Variants in DHRS2 observed in about 807,000 individuals in gnomAD.
The protein encoded by DHRS2 is dehydrogenase/reductase 2.
A neutral mutation model predicts 26.3 loss-of-function variants in DHRS2; 29 were observed. That is an observed-to-expected ratio of 1.10 (90% CI 0.82 to 1.50). The LOEUF (loss-of-function observed/expected upper bound fraction) is 1.50. Among genes scored for constraint, DHRS2 ranks in the 40% most tolerant of loss-of-function variants. The pLI, the probability that DHRS2 is intolerant of heterozygous loss-of-function variation, is 0.00. For missense variants in DHRS2, 439 were observed against 367.1 expected (o/e 1.20, Z -1.60); for synonymous variants, 164 against 151.3 (o/e 1.08, Z -0.62).
At chr14:23,639,583 T>A (rs959211698) in intron 3 of DHRS2, among the ~76,000 whole-genome samples, 1 of 150,870 alleles carries the variant, frequency 6.6e-6, no homozygotes, top group Non-Finnish European at 1.5e-5. Context: ...GGAGGAGGAG[T>A]CTGAAGGGGT....
chr14:23,633,035 G>A (rs1267741184), upstream of DHRS2, among the ~76,000 whole-genome samples: 7 of 152,220 alleles, frequency 4.6e-5, no homozygotes, highest in African/African-American at 1.7e-4. Context: ...CCCACATAGG[G>A]GAAGGCAGGA....
intron 5 of DHRS2, 46 bp downstream of exon 5, chr14:23,643,265 G>A: frequency 6.3e-7 from 1 of 1,577,226 alleles, no homozygotes. Context: ...GGGGACCTGA[G>A]GTGGGCACAG....
rs547853982 is a variant in DHRS2, at chr14:23,640,567, GT to G, written c.420+674del. On this transcript the variant is annotated intron_variant, in intron 4 of 8. Coordinates refer to ENST00000250383, the MANE Select transcript of DHRS2 (RefSeq NM_005794.4). Reference sequence around the variant, plus strand: ...CCTTCACTCTCATGTTTTGTTTTCTGTTCTCTCTGCCAGAATGCGTCGTGAT... The same window carrying G: ...CCTTCACTCTCATGTTTTGTTTTCTGTCTCTCTGCCAGAATGCGTCGTGAT... 5.5e-3 allele frequency: 2,223 copies of G among 404,480 alleles called. 10 individuals are homozygous for G. The highest frequency in any genetic ancestry group is 9.2e-3 in the Admixed American group (143 of 15,580). The allele number at this position is 404,480 out of a possible 1,614,324, so 25.1% of individuals were successfully genotyped here.
upstream of DHRS2, among the ~76,000 whole-genome samples, chr14:23,631,548 AC>A (rs199914931): frequency 9.5e-5 from 14 of 147,136 alleles, no homozygotes; most frequent in African/African-American, 1.5e-4. Context: ...TTCTTCCTCT[AC>A]CCCCCCCACC....
intron 1 of DHRS2, among the ~76,000 whole-genome samples, chr14:23,637,127 T>C (rs1395797470): frequency 4.6e-5 from 7 of 151,268 alleles, no homozygotes; most frequent in Non-Finnish European, 1.5e-5. Flanking sequence ...CTCACCTATC[T>C]ATCCTATCTA....
rs766960292 is a variant in DHRS2 at position 23,645,318 on chromosome 14, A to G, written c.*65A>G. ...AGGAGCCTGAGGGGGTGTCTAGGTGATCATTTGGATCTGGAGGCAGAGTCT... is the reference window on the plus strand; with the variant it reads ...AGGAGCCTGAGGGGGTGTCTAGGTGGTCATTTGGATCTGGAGGCAGAGTCT... On this transcript the variant is annotated 3_prime_UTR_variant, in exon 9 of 9. Transcript: ENST00000250383. 6.2e-7 allele frequency: 1 copy of G among 1,609,494 alleles called. No individual in the cohort carries two copies. The highest frequency in any genetic ancestry group is 1.1e-5 in the South Asian group (1 of 91,024).
chr14:23,644,331 T>G, intron 6 of DHRS2, 78 bp from the exon 7 acceptor site: 1 of 1,595,638 alleles, frequency 6.3e-7, no homozygotes, highest in South Asian at 1.1e-5. Flanking sequence ...GCCTGTGAGA[T>G]CCCTGTAGGT....
chr14:23,645,385 A>G lies in DHRS2; in HGVS notation c.*132A>G. The stretch of plus-strand genomic sequence containing the variant: ...AGCAATTTGGGGGCTTACTCATGCT[A>G]GGCTTGAGGAAGAAGAAAAACGCTT... On this transcript the variant is annotated 3_prime_UTR_variant, in exon 9 of 9. Coordinates refer to ENST00000250383, the MANE Select transcript of DHRS2 (RefSeq NM_005794.4). 6.5e-7 allele frequency: 1 copy of G among 1,550,120 alleles called. No homozygotes were observed. The highest frequency in any genetic ancestry group is 2.3e-5 in the East Asian group (1 of 44,312).
intron 5 of DHRS2, chr14:23,643,748 TCC>T (rs1890760992): frequency 3.2e-6 from 1 of 312,348 alleles, no homozygotes; most frequent in Non-Finnish European, 6.1e-6. Context: ...ACTTCTGGTC[TCC>T]CTTACCCCAT....
At chr14:23,641,796 C>T (rs760785517) in intron 4 of DHRS2, 48 of 1,284,174 alleles carry the variant, frequency 3.7e-5, no homozygotes, top group Non-Finnish European at 4.6e-5. Context: ...CTCCTTCCCA[C>T]ATCCAAGGGA....
At chr14:23,634,059 C>CTTTTTTTTT (rs58045171), upstream of DHRS2, among the ~76,000 whole-genome samples, 3 of 82,448 alleles carry the variant, frequency 3.6e-5, no homozygotes, top group African/African-American at 4.8e-5. Flanking sequence ...TTTGCCCCTT[C>CTTTTTTTTT]TTTTTTTTTT....
chr14:23,638,965 T>C lies in DHRS2; in HGVS notation c.101T>C (p.Leu34Pro), dbSNP rs771739122. The change falls in exon 2 of 9, where the codon CTG (leucine) becomes CCG (proline). Residue 34 changes from leucine (L) to proline (P), a missense_variant. Transcript: ENST00000250383. ...ACCGGGATAGACAGGAAGGGCGTCCTGGCTAACCGGGTAGCCGTGGTCACG... is the reference window on the plus strand; with the variant it reads ...ACCGGGATAGACAGGAAGGGCGTCCCGGCTAACCGGGTAGCCGTGGTCACG... Reference protein sequence around the residue: ...SSTGIDRKGVLANRVAVVTGS... With the variant: ...SSTGIDRKGVPANRVAVVTGS... 6 of 1,613,858 alleles carry C rather than the reference T, an allele frequency of 3.7e-6. No homozygotes were observed. The African/African-American group carries it at 8.0e-5, about 22-fold the overall frequency.
intron 8 of DHRS2, 60 bp from the exon 9 acceptor site, chr14:23,645,082 G>A: frequency 6.2e-7 from 1 of 1,608,166 alleles, no homozygotes; most frequent in Non-Finnish European, 8.5e-7. Flanking sequence ...TCATCCGTGA[G>A]CCCCAGAGCA....
rs202159329 is a variant in DHRS2, at chr14:23,645,211, C to T, written c.801C>T (p.Asn267=). The T allele has an allele frequency of 1.7e-4, 267 of 1,614,004 alleles. 1 individual carries two copies. The highest frequency in any genetic ancestry group is 1.9e-4 in the South Asian group (17 of 91,090). The stretch of plus-strand genomic sequence containing the variant: ...GCTCTCCAGATGCCAGCTACGTCAA[C>T]GGGGAGAACATTGCGGTGGCAGGCT... ...FLCSPDASYV[N]GENIAVAGYS... Residue 267 remains asparagine, a synonymous_variant, in exon 9 of 9, where the codon AAC becomes AAT. Transcript: ENST00000250383.
rs759045112 is a variant in DHRS2 at position 23,638,854 on chromosome 14, C to T, written c.-11C>T. 4 of 1,611,870 alleles carry T rather than the reference C, an allele frequency of 2.5e-6. No individual in the cohort carries two copies. In the African/African-American group the frequency reaches 5.3e-5, roughly 22 times the overall value. ...CTGATTCAGCAGGAAGCATCTCAGA[C>T]ACCAACCACTATGCTGTCAGCAGTT... On this transcript the variant is annotated 5_prime_UTR_variant, in exon 2 of 9. Transcript: ENST00000250383.
At chr14:23,643,956 C>A (rs1187523868) in intron 5 of DHRS2, 155 bp from the exon 6 acceptor site, 9 of 754,394 alleles carry the variant, frequency 1.2e-5, no homozygotes, top group Admixed American at 6.1e-5. Flanking sequence ...GGTACTAAAC[C>A]TTTCTGAGCC....
rs904544339 is a variant in DHRS2 at position 23,639,976 on chromosome 14, G to T, written c.420+81G>T. ...GCTCCAGCATGCCTGTGCCCACCAAGACTCTGTTTCCCTCCAGAGGTTATG... is the reference window on the plus strand; with the variant it reads ...GCTCCAGCATGCCTGTGCCCACCAATACTCTGTTTCCCTCCAGAGGTTATG... On this transcript the variant is annotated intron_variant, in intron 4 of 8. Transcript: ENST00000250383. 6.5e-6 allele frequency: 8 copies of T among 1,239,036 alleles called. No homozygotes were observed. In the African/African-American group the frequency reaches 1.1e-4, roughly 17 times the overall value. 76.8% of individuals were successfully genotyped at this position (1,239,036 alleles called of 1,614,324 possible).
In DHRS2 at chr14:23,644,539, A is replaced by C; in HGVS notation, c.671A>C (p.Lys224Thr). 6.2e-7 allele frequency: 1 copy of C among 1,614,194 alleles called. No individual in the cohort carries two copies. The change falls in exon 7 of 9, where the codon AAA becomes ACA. Residue 224 changes from lysine to threonine, a missense_variant. Physicochemically the swap from Lys to Thr is moderately conservative, Grantham distance 78. Coordinates refer to ENST00000250383, the MANE Select transcript of DHRS2 (RefSeq NM_005794.4). ...GGAATTATCAAAACTGACTTCAGCA[A>C]AGTGGTGAGGATTGGGTGTGTCTTC... ...VPGIIKTDFS[K>T]VFHGNESLWK...
chr14:23,632,825 G>A (rs933340167), upstream of DHRS2, among the ~76,000 whole-genome samples: 20 of 152,288 alleles, frequency 1.3e-4, no homozygotes, highest in Middle Eastern at 3.4e-3. Flanking sequence ...CACATCTGTC[G>A]GCCCCTTGGC....
Sources: allele counts gnomAD v4.1 joint callset (sites outside exome capture counted in the v4.1 genomes callset), GRCh38; gene constraint gnomAD v4.1.1; transcripts MANE v1.5; gene names NCBI Gene and HGNC (gene_info 2026-07-23, HGNC 2026-07-21).